ACSF2: variants seen among roughly 807,000 people sequenced by gnomAD.
ACSF2 encodes acyl-CoA synthetase family member 2.
A neutral mutation model predicts 79.3 loss-of-function variants in ACSF2; 52 were observed. The ratio of observed to expected loss-of-function variants is 0.66; its 90% CI spans 0.53 to 0.83. The LOEUF is 0.83. ACSF2 is among the 40% of genes least tolerant of loss of function. The pLI is 0.00. For synonymous variants in ACSF2, 283 were observed against 312.6 expected (o/e 0.91, Z 1.00); for missense variants, 661 against 803.3 (o/e 0.82, Z 2.14).
At chr17:50,439,306 C>T (rs2030703377) in intron 1 of ACSF2, among the ~76,000 whole-genome samples, 1 of 147,486 alleles carries the variant, frequency 6.8e-6, no homozygotes, top group Non-Finnish European at 1.5e-5. Flanking sequence ...AACTCCTGGG[C>T]ACAAGCAGTC....
At position 50,474,249 on chromosome 17, in the gene ACSF2, C is replaced by T. The variant is rs752962418; in HGVS notation, c.1779C>T (p.Pro593=). 6.2e-7 allele frequency: 1 copy of T among 1,614,242 alleles called. No homozygotes were observed. Among genetic ancestry groups the T allele is most frequent in the South Asian group, 1.1e-5 (1 of 91,084 alleles). The change falls in exon 15 of 16, where the codon CCC becomes CCT. Residue 593 remains proline, a synonymous_variant. Transcript: ENST00000300441. This position sits in a 1 kb window ranked among gnomAD's most constrained non-coding sequence, Gnocchi z 4.2. The part of the protein sequence containing the change: ...PKYIVFVTNY[P]LTISGKIQKF... The stretch of plus-strand genomic sequence containing the variant: ...ACATCGTGTTTGTCACAAACTACCC[C>T]CTCACCATTTCAGGAAAGGTGTGTA...
chr17:50,468,790 G>C, intron 10 of ACSF2: 1 of 1,559,862 alleles, frequency 6.4e-7, no homozygotes, highest in Non-Finnish European at 8.6e-7. Flanking sequence ...GGCCGAGGCT[G>C]AGCAAGAGCA....
Position 50,474,523 on chromosome 17 carries a change from G to A in ACSF2, c.1819G>A (p.Glu607Lys). 1 of 1,614,188 alleles carries A rather than the reference G, an allele frequency of 6.2e-7. No homozygotes were observed. Among genetic ancestry groups the A allele is most frequent in the Non-Finnish European group, 8.5e-7 (1 of 1,180,036 alleles). The change falls in exon 16 of 16, where the codon GAG becomes AAG. Residue 607 changes from glutamate to lysine, a missense_variant. Physicochemically the swap from Glu to Lys is moderately conservative, Grantham distance 56. Coordinates refer to ENST00000300441, the MANE Select transcript of ACSF2 (RefSeq NM_025149.6). This position sits in a 1 kb window ranked among gnomAD's most constrained non-coding sequence, Gnocchi z 4.2. ...SGKIQKFKLR[E>K]QMERHLNL The stretch of plus-strand genomic sequence containing the variant: ...CTAGATCCAGAAATTCAAACTTCGA[G>A]AGCAGATGGAACGACATCTAAATCT...
chr17:50,459,481 G>A (rs1338317455), intron 1 of ACSF2, among the ~76,000 whole-genome samples: 1 of 152,150 alleles, frequency 6.6e-6, no homozygotes, highest in Non-Finnish European at 1.5e-5. Flanking sequence ...GGGCTCAAGC[G>A]ATCCTCCTGC....
intron 1 of ACSF2, among the ~76,000 whole-genome samples, chr17:50,430,830 T>C (rs1441806040): frequency 6.6e-6 from 1 of 152,200 alleles, no homozygotes. Flanking sequence ...CAAAATGCCT[T>C]TAAACAATTG....
chr17:50,474,665 A>T lies in ACSF2; in HGVS notation c.*113A>T. On this transcript the variant is annotated 3_prime_UTR_variant, in exon 16 of 16. Transcript: ENST00000300441. This position sits in a 1 kb window ranked among gnomAD's most constrained non-coding sequence, Gnocchi z 4.2. ...ACCCAGTTCTGAGCCAGGCACATCAAATGTCAAGGAATTGACTGAACGAAC... is the reference window on the plus strand; with the variant it reads ...ACCCAGTTCTGAGCCAGGCACATCATATGTCAAGGAATTGACTGAACGAAC... 1.7e-6 allele frequency: 2 copies of T among 1,145,160 alleles called. No homozygotes were observed. The highest frequency in any genetic ancestry group is 2.6e-5 in the South Asian group (2 of 76,488). 70.9% of individuals were successfully genotyped at this position (1,145,160 alleles called of 1,614,324 possible). A position where few individuals can be genotyped will look rare whatever the true frequency, so the allele number is the denominator to read the frequency against.
rs567097470 is a variant in ACSF2 at position 50,426,766 on chromosome 17, G to A, written c.128+377G>A. The A allele has an allele frequency of 5.1e-5, 47 of 919,734 alleles. No individual in the cohort carries two copies. The African/African-American group carries it at 6.4e-4, about 13-fold the overall frequency. 57.0% of individuals were successfully genotyped at this position (919,734 alleles called of 1,614,324 possible). A position where few individuals can be genotyped will look rare whatever the true frequency, so the allele number is the denominator to read the frequency against. On this transcript the variant is annotated intron_variant, in intron 1 of 15. Transcript: ENST00000300441. ...GCCTCTGAGTTGGAACCCCTTCATG[G>A]GCAAACTTGGGGATCAGCCCCAGTC...
At chr17:50,455,810 C>A (rs1257017302) in intron 1 of ACSF2, among the ~76,000 whole-genome samples, 1 of 152,186 alleles carries the variant, frequency 6.6e-6, no homozygotes, top group Non-Finnish European at 1.5e-5. Flanking sequence ...TGGCCTGGTG[C>A]ATTCTCCCCG....
At chr17:50,457,331 G>A (rs1427910000) in intron 1 of ACSF2, among the ~76,000 whole-genome samples, 1 of 152,224 alleles carries the variant, frequency 6.6e-6, no homozygotes, top group African/African-American at 2.4e-5. Context: ...AAGCTCCCAG[G>A]GCCCCCTAGG....
intron 1 of ACSF2, among the ~76,000 whole-genome samples, chr17:50,437,165 C>T (rs1343920825): frequency 2.0e-5 from 3 of 152,158 alleles, no homozygotes; most frequent in African/African-American, 4.8e-5. Context: ...AGAATGAGAT[C>T]ACAAAACTTT....
At chr17:50,427,017 G>A (rs1915057562) in intron 1 of ACSF2, 3 of 1,532,428 alleles carry the variant, frequency 2.0e-6, no homozygotes, top group Non-Finnish European at 1.7e-6. Flanking sequence ...CCAGTCCTTG[G>A]GAGGACCCCG....
intron 1 of ACSF2, among the ~76,000 whole-genome samples, chr17:50,434,942 C>A (rs2030269769): frequency 6.6e-6 from 1 of 151,990 alleles, no homozygotes; most frequent in African/African-American, 2.4e-5. Flanking sequence ...GCAATCTTGG[C>A]TCATCACAAC....
Position 50,441,842 on chromosome 17 carries a change from T to TTTTA in ACSF2, c.128+15465_128+15468dup, listed in dbSNP as rs550876095. ...TTTATTTATTTATTTATTTATTTATTTTTATTTATTTATTTTGAGACAGGA... is the reference window on the plus strand; with the variant it reads ...TTTATTTATTTATTTATTTATTTATTTTTATTTATTTATTTATTTTGAGACAGGA... On this transcript the variant is annotated intron_variant, in intron 1 of 15. Transcript: ENST00000300441. 3.5e-3 allele frequency among the ~76,000 whole-genome samples: 536 copies of TTTTA among 151,922 alleles called. 3 individuals carry two copies. Among genetic ancestry groups the TTTTA allele is most frequent in the African/African-American group, 9.0e-3 (373 of 41,488 alleles).
rs2033217527 is a variant in ACSF2, at chr17:50,473,686, G to A, written c.1497G>A (p.Glu499=). 7 of 1,614,092 alleles carry A rather than the reference G, an allele frequency of 4.3e-6. No homozygotes were observed. The highest frequency in any genetic ancestry group is 5.9e-6 in the Non-Finnish European group (7 of 1,180,050). ...YWTGDVATMN[E]QGFCKIVGRS... The stretch of plus-strand genomic sequence containing the variant: ...ACAGAGATGTCGCCACAATGAATGA[G>A]CAGGGCTTCTGCAAGATCGTGGGCC... Residue 499 remains glutamate (E), a synonymous_variant, in exon 13 of 16, where the codon GAG becomes GAA. Transcript: ENST00000300441.
intron 1 of ACSF2, among the ~76,000 whole-genome samples, chr17:50,428,935 A>G (rs1482721326): frequency 6.6e-6 from 1 of 152,250 alleles, no homozygotes; most frequent in East Asian, 1.9e-4. Context: ...GCAGCCTCGT[A>G]GGAGGAGAAA....
chr17:50,472,632 T>A, intron 12 of ACSF2, 53 bp downstream of exon 12: 2 of 1,545,452 alleles, frequency 1.3e-6, no homozygotes, highest in Admixed American at 4.1e-5. Flanking sequence ...AGGCTGGAGG[T>A]CTTGAGGCTG....
rs531180849 is a variant in ACSF2, at chr17:50,445,521, A to G, written c.129-15156A>G. Reference sequence around the variant, plus strand: ...CATCAAAAGTGTCTACAGGCTGGGCATGGTGGCTCACGTCTGTAATCCCAA... The same window carrying G: ...CATCAAAAGTGTCTACAGGCTGGGCGTGGTGGCTCACGTCTGTAATCCCAA... On this transcript the variant is annotated intron_variant, in intron 1 of 15. Transcript: ENST00000300441. Among the ~76,000 whole-genome samples, 29 of 152,166 alleles carry G rather than the reference A, an allele frequency of 1.9e-4. No homozygotes were observed. In the East Asian group the frequency reaches 5.4e-3, roughly 29 times the overall value.
intron 1 of ACSF2, among the ~76,000 whole-genome samples, chr17:50,437,897 G>C (rs1214144701): frequency 6.6e-6 from 1 of 152,088 alleles, no homozygotes; most frequent in Non-Finnish European, 1.5e-5. Context: ...AACCTTTCTT[G>C]TTTTCAGAAA....
intron 12 of ACSF2, 139 bp downstream of exon 12, chr17:50,472,718 C>A: frequency 9.8e-7 from 1 of 1,019,616 alleles, no homozygotes; most frequent in Non-Finnish European, 1.4e-6. Context: ...TCTTAATTTC[C>A]AAAATGTATA....
Sources: gnomAD v4.1 joint callset for allele counts (sites outside exome capture counted in the v4.1 genomes callset) on GRCh38, gnomAD v4.1.1 for gene constraint, Gnocchi (gnomAD v3.1) non-coding constraint, MANE v1.5 for transcripts, NCBI Gene and HGNC (gene_info 2026-07-23, HGNC 2026-07-21) for gene names.